The following TCFL5 variants were observed in gnomAD, a reference collection of about 807,000 sequenced individuals.
TCFL5 encodes transcription factor like 5.
In TCFL5, 9 loss-of-function variants were observed where a neutral mutation model predicts 44.3. That is an observed-to-expected ratio of 0.20 (90% CI 0.12 to 0.35). TCFL5 has a LOEUF of 0.35. TCFL5 is among the 10% of genes least tolerant of loss of function. The pLI is 1.00. For missense variants in TCFL5, 603 were observed against 613.4 expected (o/e 0.98, Z 0.18); for synonymous variants, 319 against 271.6 (o/e 1.17, Z -1.72).
intron 5 of TCFL5, chr20:62,852,554 A>G: frequency 3.0e-6 from 3 of 985,500 alleles, no homozygotes; most frequent in South Asian, 9.4e-5. Context: ...ACGACCACAC[A>G]GACAGGATCA....
intron 5 of TCFL5, among the ~76,000 whole-genome samples, chr20:62,848,922 T>C (rs554529021): frequency 3.0e-4 from 45 of 151,784 alleles, no homozygotes; most frequent in African/African-American, 1.1e-3. Context: ...ATCCCAGCAC[T>C]TTGGGAGGCT....
intron 4 of TCFL5, 74 bp from the exon 5 acceptor site, chr20:62,854,231 T>C: frequency 3.8e-6 from 6 of 1,565,676 alleles, no homozygotes; most frequent in Non-Finnish European, 5.2e-6. Context: ...GCGTCTCCTG[T>C]AGTACTTGAG....
At chr20:62,845,150 T>TCACC in intron 5 of TCFL5, 1 of 985,756 alleles carries the variant, frequency 1.0e-6, no homozygotes, top group Non-Finnish European at 1.2e-6. Flanking sequence ...ATATGGAGTT[T>TCACC]CACTCTTGTC....
chr20:62,853,791 TCA>T (rs1198657561), intron 5 of TCFL5, among the ~76,000 whole-genome samples: 1 of 152,222 alleles, frequency 6.6e-6, no homozygotes, highest in African/African-American at 2.4e-5. Context: ...AATTGCCTCT[TCA>T]CAGTTATTTA....
At chr20:62,859,986 G>C in intron 2 of TCFL5, 139 bp downstream of exon 2, 1 of 816,186 alleles carries the variant, frequency 1.2e-6, no homozygotes, top group Non-Finnish European at 1.9e-6. Flanking sequence ...TGGGATTACA[G>C]GTGTCGGCCT....
At chr20:62,852,222 G>A (rs929745821) in intron 5 of TCFL5, 1 of 985,476 alleles carries the variant, frequency 1.0e-6, no homozygotes, top group South Asian at 4.7e-5. Context: ...CAGGTACAAA[G>A]TCAGGACCCT....
At chr20:62,847,891 C>A (rs544452621) in intron 5 of TCFL5, among the ~76,000 whole-genome samples, 8 of 152,324 alleles carry the variant, frequency 5.3e-5, no homozygotes, top group African/African-American at 1.9e-4. Context: ...GACCAAACGG[C>A]ATGGGAGGCC....
intron 5 of TCFL5, among the ~76,000 whole-genome samples, chr20:62,843,790 T>C (rs527839352): frequency 6.6e-6 from 1 of 152,320 alleles, no homozygotes; most frequent in East Asian, 1.9e-4. Flanking sequence ...CAGTCCACTT[T>C]CTGTCTCTCT....
chr20:62,855,502 C>T (rs2063874148), intron 4 of TCFL5, among the ~76,000 whole-genome samples: 1 of 152,236 alleles, frequency 6.6e-6, no homozygotes. Flanking sequence ...CGCAGTGGCT[C>T]AAGCCTGTAA....
chr20:62,854,169 A>T lies in TCFL5; in HGVS notation c.1239-12T>A. 3 of 1,612,652 alleles carry T rather than the reference A, an allele frequency of 1.9e-6. No individual in the cohort carries two copies. In the South Asian group the frequency reaches 3.3e-5, roughly 18 times the overall value. On this transcript the variant is annotated splice_polypyrimidine_tract_variant and intron_variant, in intron 4 of 5. Transcript: ENST00000335351. ...TGCGGATTCTGCGCCTATAGTCAAA[A>T]CCCAAAGTCATCACCGAGAGAGACC...
chr20:62,851,810 C>T, intron 5 of TCFL5: 1 of 985,360 alleles, frequency 1.0e-6, no homozygotes, highest in Non-Finnish European at 1.2e-6. Flanking sequence ...ATGACGTAGA[C>T]ACAGGAGCCC....
At chr20:62,859,058 ATAAAG>A (rs1402284100) in intron 3 of TCFL5, among the ~76,000 whole-genome samples, 9 of 152,238 alleles carry the variant, frequency 5.9e-5, no homozygotes, top group African/African-American at 1.9e-4. Context: ...ATAAAAAACT[ATAAAG>A]TACTTTCAGT....
chr20:62,860,254 T>C lies in TCFL5; in HGVS notation c.702A>G (p.Gln234=), dbSNP rs890565070. 3 of 1,613,842 alleles carry C rather than the reference T, an allele frequency of 1.9e-6. No individual in the cohort carries two copies. The highest frequency in any genetic ancestry group is 1.1e-5 in the South Asian group (1 of 91,074). ...PSELMNVPLQ[Q]QNKCTALVKN... ...TCACTAATGCTGTACATTTGTTTTGTTGCTGAAGAGGAACATTCATTAGTT... is the reference window on the plus strand; with the variant it reads ...TCACTAATGCTGTACATTTGTTTTGCTGCTGAAGAGGAACATTCATTAGTT... The change falls in exon 2 of 6, where the codon CAA becomes CAG. Residue 234 remains glutamine (Q), a synonymous_variant. Transcript: ENST00000335351.
chr20:62,858,029 T>C (rs1245727967), intron 3 of TCFL5, among the ~76,000 whole-genome samples: 5 of 151,952 alleles, frequency 3.3e-5, no homozygotes, highest in African/African-American at 1.2e-4. Flanking sequence ...CCTGGACATA[T>C]TTCCTCCCAA....
At chr20:62,853,006 GCAGAAGTATAGTCACCCGGTCCA>G (rs1568785059) in intron 5 of TCFL5, 7 of 1,244,576 alleles carry the variant, frequency 5.6e-6, no homozygotes, top group African/African-American at 1.6e-5. Flanking sequence ...CACCCAGTCC[GCAGAAGTATAGTCACCCGGTCCA>G]CAGAAGCATA....
At chr20:62,852,191 C>T in intron 5 of TCFL5, 6 of 985,448 alleles carry the variant, frequency 6.1e-6, no homozygotes, top group Non-Finnish European at 7.2e-6. Flanking sequence ...TCAACAGCAG[C>T]AATTCCCCAA....
At position 62,842,759 on chromosome 20, in the gene TCFL5, G is replaced by A. The variant is rs1202286084; in HGVS notation, c.1381-662C>T. ...GTCTGGGCAACAAGAGTGAAACTCC[G>A]TCTCAAAAAAATAAATTTTTAAAAA... is the stretch of plus-strand genomic sequence containing the variant. On this transcript the variant is annotated intron_variant, in intron 5 of 5. Transcript: ENST00000335351. The surrounding 1 kb of genome is among the most constrained non-coding windows in gnomAD (Gnocchi z 4.3). 2.0e-5 allele frequency among the ~76,000 whole-genome samples: 3 copies of A among 152,138 alleles called. No individual in the cohort carries two copies. The highest frequency in any genetic ancestry group is 6.6e-5 in the Admixed American group (1 of 15,262).
Position 62,842,587 on chromosome 20 carries a change from C to T in TCFL5, c.1381-490G>A, listed in dbSNP as rs2063692121. On this transcript the variant is annotated intron_variant, in intron 5 of 5. Coordinates refer to ENST00000335351, the MANE Select transcript of TCFL5 (RefSeq NM_006602.4). This position sits in a 1 kb window ranked among gnomAD's most constrained non-coding sequence, Gnocchi z 4.3. ...GACCAGCCTGATTAACATGGTGAAACCCCATCTCTACTAAAAATACAAAAA... is the reference window on the plus strand; with the variant it reads ...GACCAGCCTGATTAACATGGTGAAATCCCATCTCTACTAAAAATACAAAAA... Among the ~76,000 whole-genome samples, 1 of 152,102 alleles carries T rather than the reference C, an allele frequency of 6.6e-6. No individual in the cohort carries two copies. Among genetic ancestry groups the T allele is most frequent in the Non-Finnish European group, 1.5e-5 (1 of 68,026 alleles).
At chr20:62,851,185 T>A (rs966300041) in intron 5 of TCFL5, among the ~76,000 whole-genome samples, 1 of 152,184 alleles carries the variant, frequency 6.6e-6, no homozygotes, top group African/African-American at 2.4e-5. Flanking sequence ...AGAACCCATG[T>A]GTTTCGGCTT....
Sources: allele counts gnomAD v4.1 joint callset (sites outside exome capture counted in the v4.1 genomes callset), GRCh38; gene constraint gnomAD v4.1.1; non-coding constraint Gnocchi (gnomAD v3.1); transcripts MANE v1.5; gene names NCBI Gene and HGNC (gene_info 2026-07-23, HGNC 2026-07-21).